Variants in TOX3 observed in about 807,000 individuals in gnomAD.
TOX3 encodes CAG trinucleotide repeat-containing gene F9 protein.
A neutral mutation model predicts 64.3 loss-of-function variants in TOX3; 22 were observed. The observed-to-expected ratio is 0.34, with a 90% confidence interval of 0.24 to 0.49. The LOEUF is 0.49. Ranked by LOEUF, TOX3 falls within the 20% of genes least tolerant of loss-of-function variation. The probability of loss-of-function intolerance (pLI) is 0.99; values close to 1 mark genes in which losing one functional copy is unlikely to be tolerated. For missense variants in TOX3, 661 were observed against 714.4 expected, an observed-to-expected ratio of 0.93 and a Z score of 0.85; for synonymous variants, 291 against 273.6, an observed-to-expected ratio of 1.06 and a Z score of -0.63.
Position 52,436,624 on chromosome 16 carries a change from A to G in TOX3, c.*2601T>C, listed in dbSNP as rs1026443589. 6.6e-6 allele frequency: 1 copy of G among 152,422 alleles called. No individual in the cohort carries two copies. Among genetic ancestry groups the G allele is most frequent in the African/African-American group, 2.4e-5 (1 of 41,452 alleles). 9.4% of individuals were successfully genotyped at this position (152,422 alleles called of 1,614,324 possible). A position where few individuals can be genotyped will look rare whatever the true frequency, so the allele number is the denominator to read the frequency against. On this transcript the variant is annotated 3_prime_UTR_variant, in exon 7 of 7. Transcript: ENST00000219746. ...TGATTCAAGCCTTTTGACATTTTAA[A>G]TATGTAGTTTTGCCTGGTGATTAAT...
intron 1 of TOX3, among the ~76,000 whole-genome samples, chr16:52,503,065 G>T (rs1489242114): frequency 7.9e-5 from 12 of 152,092 alleles, no homozygotes. Context: ...ATAAAAACAG[G>T]CAACTGGCCC....
rs1962649154 is a variant in TOX3 at position 52,523,225 on chromosome 16, G to A, written c.87+23412C>T. 2.6e-5 allele frequency among the ~76,000 whole-genome samples: 4 copies of A among 152,168 alleles called. No individual in the cohort carries two copies. The South Asian group carries it at 8.3e-4, about 32-fold the overall frequency. ...AATATCTGATGCAACGGTATTTGGG[G>A]CAGAGGAAAACAGGACCTGGGCCTT... On this transcript the variant is annotated intron_variant, in intron 1 of 6. Coordinates refer to ENST00000219746, the MANE Select transcript of TOX3 (RefSeq NM_001080430.4).
intron 1 of TOX3, among the ~76,000 whole-genome samples, chr16:52,513,793 T>C (rs1962374727): frequency 6.6e-6 from 1 of 152,214 alleles, no homozygotes; most frequent in Non-Finnish European, 1.5e-5. Context: ...TACCTAGTGA[T>C]TGTGAATTTA....
chr16:52,479,605 T>C (rs951889746), intron 1 of TOX3, among the ~76,000 whole-genome samples: 5 of 152,256 alleles, frequency 3.3e-5, no homozygotes, highest in African/African-American at 7.2e-5. Context: ...TAGTCTGTTA[T>C]GGTTTTTGTG....
At chr16:52,472,506 T>A (rs547208120) in intron 1 of TOX3, among the ~76,000 whole-genome samples, 1 of 152,196 alleles carries the variant, frequency 6.6e-6, no homozygotes, top group African/African-American at 2.4e-5. Flanking sequence ...ATGAATCAAC[T>A]AAATAAGAAT....
At chr16:52,443,457 G>T (rs1169686268) in intron 6 of TOX3, among the ~76,000 whole-genome samples, 4 of 152,146 alleles carry the variant, frequency 2.6e-5, no homozygotes, top group African/African-American at 9.7e-5. Context: ...AGCAACTCAG[G>T]TGAAAAGAGA....
At chr16:52,454,426 C>T (rs1388512876) in intron 3 of TOX3, among the ~76,000 whole-genome samples, 2 of 152,060 alleles carry the variant, frequency 1.3e-5, no homozygotes. Context: ...AACCTCTGAC[C>T]CACATAATTG....
At chr16:52,540,073 C>G in intron 1 of TOX3, among the ~76,000 whole-genome samples, 1 of 151,966 alleles carries the variant, frequency 6.6e-6, no homozygotes, top group Non-Finnish European at 1.5e-5. Flanking sequence ...CTAACCAATC[C>G]ACCGGTCCAC....
At chr16:52,536,295 T>C (rs1415194872) in intron 1 of TOX3, among the ~76,000 whole-genome samples, 4 of 152,046 alleles carry the variant, frequency 2.6e-5, no homozygotes, top group African/African-American at 9.6e-5. Flanking sequence ...GAAAAGGATA[T>C]TTTAGAAATT....
At chr16:52,454,109 C>A (rs1022947663) in intron 3 of TOX3, among the ~76,000 whole-genome samples, 1 of 152,072 alleles carries the variant, frequency 6.6e-6, no homozygotes, top group Non-Finnish European at 1.5e-5. Flanking sequence ...GGTATCTTCA[C>A]GGTAGAGGCA....
intron 1 of TOX3, among the ~76,000 whole-genome samples, chr16:52,538,775 G>A (rs754049504): frequency 1.1e-4 from 17 of 152,068 alleles, no homozygotes; most frequent in Non-Finnish European, 2.1e-4. Flanking sequence ...ATTTTCCAGG[G>A]CCTGGCATGT....
intron 1 of TOX3, among the ~76,000 whole-genome samples, chr16:52,515,246 T>A (rs958079645): frequency 6.6e-6 from 1 of 151,592 alleles, no homozygotes; most frequent in African/African-American, 2.4e-5. Context: ...GGGAGAGGCA[T>A]GCCTATGGCC....
intron 1 of TOX3, among the ~76,000 whole-genome samples, chr16:52,496,225 T>C (rs1255897192): frequency 6.6e-6 from 1 of 152,192 alleles, no homozygotes; most frequent in African/African-American, 2.4e-5. Context: ...AGCTTAACTT[T>C]AAAAGACAAA....
intron 1 of TOX3, among the ~76,000 whole-genome samples, chr16:52,485,212 G>T (rs575025719): frequency 4.1e-4 from 57 of 137,478 alleles, no homozygotes; most frequent in Non-Finnish European, 8.0e-4. Flanking sequence ...ATATGTGTGT[G>T]TGTATATACA....
Position 52,523,795 on chromosome 16 carries a change from T to C in TOX3, c.87+22842A>G, listed in dbSNP as rs534033001. On this transcript the variant is annotated intron_variant, in intron 1 of 6. Coordinates refer to ENST00000219746, the MANE Select transcript of TOX3 (RefSeq NM_001080430.4). ...CCTGAATTCCTATTTTGAAATCCAT[T>C]GTGCCATTTTTATTCTGCCTGTATT... is the stretch of plus-strand genomic sequence containing the variant. 1.4e-4 allele frequency among the ~76,000 whole-genome samples: 22 copies of C among 152,202 alleles called. 1 individual carries two copies. The highest frequency in any genetic ancestry group is 3.1e-4 in the Non-Finnish European group (21 of 68,034).
chr16:52,515,580 C>T (rs1962432358), intron 1 of TOX3, among the ~76,000 whole-genome samples: 1 of 152,186 alleles, frequency 6.6e-6, no homozygotes, highest in African/African-American at 2.4e-5. Flanking sequence ...CATTATCACT[C>T]AATTATTCAG....
intron 1 of TOX3, among the ~76,000 whole-genome samples, chr16:52,473,168 C>T (rs1022584360): frequency 1.4e-4 from 22 of 152,202 alleles, no homozygotes; most frequent in African/African-American, 4.1e-4. Flanking sequence ...TCCAGCAAAG[C>T]GGCCGGAAGA....
At chr16:52,478,227 G>A (rs1323939642) in intron 1 of TOX3, among the ~76,000 whole-genome samples, 7 of 152,154 alleles carry the variant, frequency 4.6e-5, no homozygotes, top group African/African-American at 1.7e-4. Flanking sequence ...CTGGGTGCTG[G>A]CTCCTTCTCC....
chr16:52,462,819 G>C (rs913456869), intron 3 of TOX3, among the ~76,000 whole-genome samples: 1 of 150,670 alleles, frequency 6.6e-6, no homozygotes, highest in Non-Finnish European at 1.5e-5. Flanking sequence ...TTTCCCGACT[G>C]TTCACTGAAT....
Sources: gnomAD v4.1 joint callset for allele counts (sites outside exome capture counted in the v4.1 genomes callset) on GRCh38, gnomAD v4.1.1 for gene constraint, MANE v1.5 for transcripts, NCBI Gene and HGNC (gene_info 2026-07-23, HGNC 2026-07-21) for gene names.